The following GLG1 variants were observed in gnomAD, a reference collection of about 807,000 sequenced individuals.
GLG1 encodes Golgi apparatus protein 1.
GLG1 carries 38 observed loss-of-function variants against 160.5 expected under a neutral mutation model. The ratio of observed to expected loss-of-function variants is 0.24; its 90% CI spans 0.18 to 0.31. The LOEUF (loss-of-function observed/expected upper bound fraction) is 0.31. Among genes scored for constraint, GLG1 ranks in the 10% least tolerant of loss-of-function variants. The pLI is 1.00. For missense variants in GLG1, 1,373 were observed against 1,505.2 expected, an observed-to-expected ratio of 0.91 and a Z score of 1.45; for synonymous variants, 644 against 543.4, an observed-to-expected ratio of 1.19 and a Z score of -2.57.
chr16:74,533,878 G>A (rs2017614555), intron 1 of GLG1, among the ~76,000 whole-genome samples: 1 of 152,052 alleles, frequency 6.6e-6, no homozygotes, highest in Non-Finnish European at 1.5e-5. Flanking sequence ...TATCAATTTA[G>A]GTAGCAAAAC....
chr16:74,520,879 G>C (rs2017141986), intron 2 of GLG1, among the ~76,000 whole-genome samples: 1 of 152,122 alleles, frequency 6.6e-6, no homozygotes, highest in Non-Finnish European at 1.5e-5. Flanking sequence ...TCTCAGGATT[G>C]TGAAATTTTA....
intron 1 of GLG1, among the ~76,000 whole-genome samples, chr16:74,590,076 C>A (rs1457506661): frequency 6.6e-6 from 1 of 152,018 alleles, no homozygotes; most frequent in Non-Finnish European, 1.5e-5. Context: ...ACGATCTCTG[C>A]AAGCTCCGCC....
intron 10 of GLG1, among the ~76,000 whole-genome samples, chr16:74,481,161 A>G (rs1445764692): frequency 6.6e-6 from 1 of 152,222 alleles, no homozygotes; most frequent in East Asian, 1.9e-4. Flanking sequence ...CAGTAAGATC[A>G]GGAAATGGCA....
rs1410068962 is a variant in GLG1 at position 74,595,148 on chromosome 16, A to C, written c.438+11509T>G. 2.6e-5 allele frequency among the ~76,000 whole-genome samples: 4 copies of C among 151,522 alleles called. No individual in the cohort carries two copies. The East Asian group carries it at 7.8e-4, about 30-fold the overall frequency. ...GCTTGCAGTGAGCGGAGATCGCGCC[A>C]CTGCAATCTAGCCTGGGCAACAGAG... On this transcript the variant is annotated intron_variant, in intron 1 of 25. Coordinates refer to ENST00000422840, the MANE Select transcript of GLG1 (RefSeq NM_001145667.2).
At chr16:74,492,320 T>C (rs1374443934) in intron 7 of GLG1, among the ~76,000 whole-genome samples, 3 of 150,766 alleles carry the variant, frequency 2.0e-5, no homozygotes, top group Non-Finnish European at 4.4e-5. Flanking sequence ...TGAGCTGAGA[T>C]TGTGCCACTG....
chr16:74,586,948 G>C (rs1403679954), intron 1 of GLG1, among the ~76,000 whole-genome samples: 1 of 152,086 alleles, frequency 6.6e-6, no homozygotes, highest in African/African-American at 2.4e-5. Context: ...GCCTGCCTCA[G>C]CCTACCAAAG....
chr16:74,579,715 G>C (rs548955058), intron 1 of GLG1, among the ~76,000 whole-genome samples: 1 of 150,684 alleles, frequency 6.6e-6, no homozygotes, highest in African/African-American at 2.4e-5. Flanking sequence ...GCAAGACTCA[G>C]TCTCAAAAAC....
At position 74,467,812 on chromosome 16, in the gene GLG1, C is replaced by G; in HGVS notation, c.2473G>C (p.Ala825Pro). The G allele has an allele frequency of 3.7e-6, 6 of 1,613,652 alleles. No individual in the cohort carries two copies. Among genetic ancestry groups the G allele is most frequent in the Non-Finnish European group, 5.1e-6 (6 of 1,179,612 alleles). The change falls in exon 18 of 26, where the codon GCC becomes CCC. Residue 825 changes from alanine to proline, a missense_variant. By Grantham distance (27) the Ala-to-Pro change is conservative (BLOSUM62 -1). Transcript: ENST00000422840. The part of the protein sequence containing the change: ...DIRLEPDLYE[A>P]CKSDIKNFCS... ...AAGTTTTTGATGTCACTCTTGCAGGCTTCGTATAGATCTGGCTCCAAGCGG... is the reference window on the plus strand; with the variant it reads ...AAGTTTTTGATGTCACTCTTGCAGGGTTCGTATAGATCTGGCTCCAAGCGG...
intron 1 of GLG1, among the ~76,000 whole-genome samples, chr16:74,600,880 G>A (rs1158721179): frequency 6.6e-5 from 10 of 152,012 alleles, no homozygotes; most frequent in Admixed American, 5.9e-4. Flanking sequence ...GACATCAAGT[G>A]ATTAACACTC....
At chr16:74,465,351 C>T (rs1052745037) in intron 19 of GLG1, among the ~76,000 whole-genome samples, 2 of 152,182 alleles carry the variant, frequency 1.3e-5, no homozygotes, top group Non-Finnish European at 2.9e-5. Flanking sequence ...CAAAACCAAT[C>T]ATTTATTTAT....
chr16:74,603,165 A>C (rs1224188615), intron 1 of GLG1, among the ~76,000 whole-genome samples: 1 of 152,114 alleles, frequency 6.6e-6, no homozygotes, highest in Non-Finnish European at 1.5e-5. Context: ...TAATCCCAGC[A>C]CTTTGGGAGA....
intron 4 of GLG1, among the ~76,000 whole-genome samples, chr16:74,499,282 C>T (rs1424439729): frequency 6.6e-6 from 1 of 151,914 alleles, no homozygotes; most frequent in East Asian, 1.9e-4. Context: ...GCTCTGTTGC[C>T]CAGGCTGGAG....
chr16:74,586,079 A>C (rs1368744370), intron 1 of GLG1, among the ~76,000 whole-genome samples: 1 of 151,938 alleles, frequency 6.6e-6, no homozygotes, highest in Non-Finnish European at 1.5e-5. Flanking sequence ...AAAAAAAAAA[A>C]ACAAGAACAG....
chr16:74,466,351 A>C (rs1256743539), intron 18 of GLG1, among the ~76,000 whole-genome samples: 2 of 152,242 alleles, frequency 1.3e-5, no homozygotes, highest in Non-Finnish European at 2.9e-5. Context: ...CAAAAGCATA[A>C]AGTGTCATGA....
chr16:74,509,952 G>A (rs1046732175), intron 2 of GLG1, among the ~76,000 whole-genome samples: 1 of 151,908 alleles, frequency 6.6e-6, no homozygotes, highest in Non-Finnish European at 1.5e-5. Flanking sequence ...CTCCCAAAGT[G>A]CTGGGATTAC....
chr16:74,459,787 G>T lies in GLG1; in HGVS notation c.3039C>A (p.Ile1013=), dbSNP rs1567455476. The T allele has an allele frequency of 6.4e-7, 1 of 1,564,286 alleles. No individual in the cohort carries two copies. Among genetic ancestry groups the T allele is most frequent in the Non-Finnish European group, 8.8e-7 (1 of 1,139,160 alleles). The stretch of plus-strand genomic sequence containing the variant: ...CTGCTTCTTCAGCACATAGACTGGA[G>T]ATCTGTTCAGGAGACACAAAAAACA... ...PQLQLHCSDE[I]SSLCAEEAAA... The change falls in exon 23 of 26, where the codon ATC becomes ATA. Residue 1013 remains isoleucine, a splice_region_variant and synonymous_variant. Coordinates refer to ENST00000422840, the MANE Select transcript of GLG1 (RefSeq NM_001145667.2).
intron 24 of GLG1, 113 bp downstream of exon 24, chr16:74,457,761 G>C (rs985693318): frequency 2.3e-5 from 21 of 910,186 alleles, no homozygotes; most frequent in Non-Finnish European, 3.2e-5. Context: ...TCTATGACTG[G>C]GCTACAACTA....
intron 25 of GLG1, 176 bp downstream of exon 25, chr16:74,456,473 C>G: frequency 3.4e-6 from 2 of 581,934 alleles, no homozygotes; most frequent in South Asian, 4.1e-5. Flanking sequence ...ACCACGTTTT[C>G]AAACGCACTT....
chr16:74,492,594 G>A (rs576318884), intron 7 of GLG1, among the ~76,000 whole-genome samples: 10 of 151,820 alleles, frequency 6.6e-5, no homozygotes, highest in African/African-American at 2.2e-4. Flanking sequence ...CAAGGTGGGC[G>A]GATCACCTAA....
Sources: allele counts gnomAD v4.1 joint callset (sites outside exome capture counted in the v4.1 genomes callset), GRCh38; gene constraint gnomAD v4.1.1; transcripts MANE v1.5; gene names NCBI Gene and HGNC (gene_info 2026-07-23, HGNC 2026-07-21).